Variants in CHN2 observed in about 807,000 individuals in gnomAD.
CHN2 encodes chimerin 2.
In CHN2, 35 loss-of-function variants were observed where a neutral mutation model predicts 56.3. The ratio of observed to expected loss-of-function variants is 0.62; its 90% CI spans 0.47 to 0.82. The LOEUF (loss-of-function observed/expected upper bound fraction) is 0.82. CHN2 is among the 40% of genes least tolerant of loss of function. The pLI is 0.00. For synonymous variants in CHN2, 210 were observed against 212.8 expected (o/e 0.99, Z 0.12); for missense variants, 491 against 580.5 (o/e 0.85, Z 1.58).
At chr7:29,161,990 T>C (rs565716418) in intron 2 of CHN2, among the ~76,000 whole-genome samples, 2 of 152,270 alleles carry the variant, frequency 1.3e-5, no homozygotes, top group Non-Finnish European at 2.9e-5. Flanking sequence ...TATAAACCTA[T>C]TAGAATAGCT....
chr7:29,262,930 A>T (rs1422999412), intron 1 of CHN2, among the ~76,000 whole-genome samples: 2 of 146,718 alleles, frequency 1.4e-5, no homozygotes, highest in South Asian at 2.1e-4. Flanking sequence ...TATACCCCGG[A>T]ACTTAAAATA....
At chr7:29,184,910 A>C (rs1369472520) in intron 2 of CHN2, among the ~76,000 whole-genome samples, 1 of 152,206 alleles carries the variant, frequency 6.6e-6, no homozygotes, top group Non-Finnish European at 1.5e-5. Context: ...TATGTGGATA[A>C]GGACAAAAAT....
At chr7:29,211,509 A>G (rs1363281299) in intron 1 of CHN2, among the ~76,000 whole-genome samples, 6 of 151,784 alleles carry the variant, frequency 4.0e-5, no homozygotes, top group Admixed American at 1.3e-4. Context: ...CAGAAGTTCC[A>G]CAAAGAGAGT....
chr7:29,249,918 A>G (rs1437332742), intron 1 of CHN2, among the ~76,000 whole-genome samples: 2 of 152,252 alleles, frequency 1.3e-5, no homozygotes, highest in Non-Finnish European at 2.9e-5. Context: ...ACAAGTGGCA[A>G]TTTTAGTTGT....
intron 1 of CHN2, among the ~76,000 whole-genome samples, chr7:29,224,176 G>T (rs1786019350): frequency 6.6e-6 from 1 of 152,130 alleles, no homozygotes; most frequent in Admixed American, 6.5e-5. Flanking sequence ...AATTAGGTGG[G>T]ATTGCTGTCC....
At chr7:29,498,302 T>C (rs962854911) in intron 8 of CHN2, among the ~76,000 whole-genome samples, 6 of 152,224 alleles carry the variant, frequency 3.9e-5, no homozygotes, top group African/African-American at 7.2e-5. Context: ...TGATCTTCTA[T>C]AGAAGAGGAT....
intron 1 of CHN2, among the ~76,000 whole-genome samples, chr7:29,354,171 G>C (rs1798104882): frequency 6.6e-6 from 1 of 152,226 alleles, no homozygotes; most frequent in African/African-American, 2.4e-5. Context: ...TCAGTTGGTT[G>C]AGTTGCACAG....
intron 12 of CHN2, 87 bp downstream of exon 12, chr7:29,509,493 A>G (rs1483500561): frequency 8.9e-6 from 9 of 1,011,168 alleles, no homozygotes; most frequent in Non-Finnish European, 1.4e-5. Context: ...CTCCCCAGCC[A>G]TAACTGCTGG....
At chr7:29,220,092 TA>T (rs565400322) in intron 1 of CHN2, among the ~76,000 whole-genome samples, 3 of 149,310 alleles carry the variant, frequency 2.0e-5, no homozygotes, top group East Asian at 2.0e-4. Flanking sequence ...TAAAAAAATT[TA>T]AAAAAAAAGG....
chr7:29,299,003 A>T (rs1793422647), intron 1 of CHN2, among the ~76,000 whole-genome samples: 1 of 152,176 alleles, frequency 6.6e-6, no homozygotes, highest in Non-Finnish European at 1.5e-5. Flanking sequence ...TTTCTCAGAT[A>T]CTTTGAAGGG....
At chr7:29,395,447 TGAGCCCA>T (rs1801670593) in intron 4 of CHN2, among the ~76,000 whole-genome samples, 1 of 152,096 alleles carries the variant, frequency 6.6e-6, no homozygotes, top group East Asian at 1.9e-4. Flanking sequence ...GAGGATCACT[TGAGCCCA>T]GAAGGTCAAC....
intron 2 of CHN2, among the ~76,000 whole-genome samples, chr7:29,159,711 C>T (rs1254952672): frequency 6.6e-6 from 1 of 152,114 alleles, no homozygotes; most frequent in Non-Finnish European, 1.5e-5. Flanking sequence ...AGCACACATC[C>T]TGGGATTACT....
chr7:29,464,966 G>T (rs780506404), intron 6 of CHN2, among the ~76,000 whole-genome samples: 1 of 152,170 alleles, frequency 6.6e-6, no homozygotes, highest in Non-Finnish European at 1.5e-5. Context: ...GCCGCCAGCC[G>T]TGTTTTCATC....
intron 1 of CHN2, among the ~76,000 whole-genome samples, chr7:29,215,150 CTTGTGAAGTCATTAACAATTAAATATT>C (rs1348354802): frequency 6.6e-6 from 1 of 152,166 alleles, no homozygotes; most frequent in African/African-American, 2.4e-5. Flanking sequence ...CTCTGCAGAA[CTTGTGAAGTCATTAACAATTAAATATT>C]TTAGTTCAAA....
chr7:29,398,574 C>T (rs920917842), intron 5 of CHN2, 88 bp downstream of exon 5: 41 of 809,014 alleles, frequency 5.1e-5, no homozygotes, highest in Non-Finnish European at 6.8e-5. Flanking sequence ...GCAGAGTATA[C>T]ATAACACAAA....
rs534565248 is a variant in CHN2, at chr7:29,268,402, G to C, written c.49+73412G>C. On this transcript the variant is annotated intron_variant, in intron 1 of 12. Coordinates refer to ENST00000222792, the MANE Select transcript of CHN2 (RefSeq NM_004067.4). ...GCTAGAGTTTTTTTTAAGGTAAAAA[G>C]TACTGTGTGCATTTTCAACTTCTCT... 2.0e-5 allele frequency among the ~76,000 whole-genome samples: 3 copies of C among 151,314 alleles called. No individual in the cohort carries two copies. In the East Asian group the frequency reaches 5.9e-4, roughly 30 times the overall value.
chr7:29,170,886 T>C (rs918536874), intron 2 of CHN2, among the ~76,000 whole-genome samples: 2 of 152,102 alleles, frequency 1.3e-5, no homozygotes, highest in East Asian at 1.9e-4. Context: ...CTTCCCCTTA[T>C]AGCAACTATC....
intron 6 of CHN2, among the ~76,000 whole-genome samples, chr7:29,423,369 C>G (rs982120482): frequency 2.6e-5 from 4 of 152,206 alleles, no homozygotes; most frequent in Non-Finnish European, 5.9e-5. Context: ...AAGCCCACAT[C>G]CAGTGACTGT....
intron 2 of CHN2, among the ~76,000 whole-genome samples, chr7:29,165,761 T>G (rs1584510319): frequency 6.6e-6 from 1 of 152,318 alleles, no homozygotes; most frequent in South Asian, 2.1e-4. Context: ...AGATGTTGAA[T>G]TTTTGTCATA....
Sources: allele counts gnomAD v4.1 joint callset (sites outside exome capture counted in the v4.1 genomes callset), GRCh38; gene constraint gnomAD v4.1.1; transcripts MANE v1.5; gene names NCBI Gene and HGNC (gene_info 2026-07-23, HGNC 2026-07-21).